The following C6orf132 variants were observed in gnomAD, a reference collection of about 807,000 sequenced individuals.
C6orf132 encodes uncharacterized protein C6orf132.
C6orf132 carries 43 observed loss-of-function variants against 65.3 expected under a neutral mutation model. That is an observed-to-expected ratio of 0.66 (90% CI 0.52 to 0.85). C6orf132 has a LOEUF of 0.85. C6orf132 is among the 40% of genes least tolerant of loss of function. C6orf132 has a pLI of 0.00. For missense variants in C6orf132, 1,488 were observed against 1,548.8 expected (o/e 0.96, Z 0.66); for synonymous variants, 631 against 654.1 (o/e 0.96, Z 0.54).
chr6:42,113,267 G>A (rs1766518752), intron 2 of C6orf132, among the ~76,000 whole-genome samples: 1 of 152,204 alleles, frequency 6.6e-6, no homozygotes, highest in Non-Finnish European at 1.5e-5. Context: ...AAGCGGAAAG[G>A]CTGGGGACTT....
Position 42,105,625 on chromosome 6 carries a change from C to T in C6orf132, c.2287G>A (p.Gly763Arg). 2 of 1,537,112 alleles carry T rather than the reference C, an allele frequency of 1.3e-6. No homozygotes were observed. The highest frequency in any genetic ancestry group is 1.7e-6 in the Non-Finnish European group (2 of 1,146,912). ...GGCTTGTAGAGACATGGCACCTCTCCTCCACCAGGAGATGTCTTTGGTGGG... is the reference window on the plus strand; with the variant it reads ...GGCTTGTAGAGACATGGCACCTCTCTTCCACCAGGAGATGTCTTTGGTGGG... The part of the protein sequence containing the change: ...AFPPKTSPGG[G>R]EVPCLYKPHC... Residue 763 changes from glycine (G) to arginine (R), a missense_variant, in exon 4 of 5, where the codon GGA (glycine) becomes AGA (arginine). Transcript: ENST00000341865.
Position 42,105,050 on chromosome 6 carries a change from G to A in C6orf132, c.2862C>T (p.Leu954=). Reference sequence around the variant, plus strand: ...ACTTGGGCAGCGGGTGGCCCTGGGGGAGGTTGGAGGGAGCTACTCTTTCCC... The same window carrying A: ...ACTTGGGCAGCGGGTGGCCCTGGGGAAGGTTGGAGGGAGCTACTCTTTCCC... ...VAWERVAPSN[L]PQGHPLPKSF... is the part of the protein sequence containing the mutation. Residue 954 remains leucine (L), a synonymous_variant, in exon 4 of 5, where the codon CTC becomes CTT. Transcript: ENST00000341865. 1 of 1,536,750 alleles carries A rather than the reference G, an allele frequency of 6.5e-7. No homozygotes were observed. Among genetic ancestry groups the A allele is most frequent in the Non-Finnish European group, 8.7e-7 (1 of 1,146,800 alleles).
At chr6:42,115,055 C>T (rs1465026462) in intron 2 of C6orf132, among the ~76,000 whole-genome samples, 4 of 140,354 alleles carry the variant, frequency 2.8e-5, no homozygotes, top group Admixed American at 7.3e-5. Context: ...AATCCCAGAA[C>T]TTTGGGAGGC....
chr6:42,130,451 C>T (rs1766833759), intron 1 of C6orf132, among the ~76,000 whole-genome samples: 2 of 152,172 alleles, frequency 1.3e-5, no homozygotes, highest in Non-Finnish European at 2.9e-5. Flanking sequence ...GGGGCATTTT[C>T]TAGAGAGTGC....
At chr6:42,139,612 T>C (rs1163206154) in intron 1 of C6orf132, among the ~76,000 whole-genome samples, 2 of 152,248 alleles carry the variant, frequency 1.3e-5, no homozygotes, top group Non-Finnish European at 2.9e-5. Context: ...ATCCTTGCTT[T>C]AGAGCAAGCT....
At chr6:42,134,685 A>T (rs1321544781) in intron 1 of C6orf132, among the ~76,000 whole-genome samples, 1 of 150,964 alleles carries the variant, frequency 6.6e-6, no homozygotes, top group Non-Finnish European at 1.5e-5. Flanking sequence ...GAGGCAGGAG[A>T]ATTGCTTGAA....
intron 3 of C6orf132, among the ~76,000 whole-genome samples, chr6:42,109,770 G>A (rs187665435): frequency 2.6e-5 from 4 of 152,250 alleles, no homozygotes; most frequent in South Asian, 2.1e-4. Flanking sequence ...TGAGAGGTGT[G>A]ACAGACATGA....
At chr6:42,120,492 C>T (rs1343160475) in intron 2 of C6orf132, among the ~76,000 whole-genome samples, 15 of 152,070 alleles carry the variant, frequency 9.9e-5, no homozygotes, top group South Asian at 4.2e-4. Context: ...ATGATCCGCC[C>T]GCCTAGGCCT....
At chr6:42,120,798 T>C (rs1231289699) in intron 2 of C6orf132, among the ~76,000 whole-genome samples, 3 of 152,014 alleles carry the variant, frequency 2.0e-5, no homozygotes, top group East Asian at 1.9e-4. Context: ...ATTTTTTGTA[T>C]GTTTAGTAGA....
intron 3 of C6orf132, among the ~76,000 whole-genome samples, chr6:42,108,878 G>C (rs1182592579): frequency 2.6e-5 from 4 of 152,124 alleles, no homozygotes; most frequent in Non-Finnish European, 5.9e-5. Flanking sequence ...CCAGCTGCCT[G>C]ACTTCAAACT....
intron 2 of C6orf132, among the ~76,000 whole-genome samples, chr6:42,128,327 G>A (rs551120175): frequency 6.6e-6 from 1 of 152,242 alleles, no homozygotes; most frequent in Admixed American, 6.5e-5. Flanking sequence ...AGTCATCTCT[G>A]TATCCAGCAC....
In C6orf132 at chr6:42,105,913, G is replaced by C; in HGVS notation, c.1999C>G (p.Leu667Val). 6.5e-7 allele frequency: 1 copy of C among 1,537,012 alleles called. No individual in the cohort carries two copies. The highest frequency in any genetic ancestry group is 8.7e-7 in the Non-Finnish European group (1 of 1,146,862). The change falls in exon 4 of 5, where the codon CTT becomes GTT. Residue 667 changes from leucine to valine, a missense_variant. Coordinates refer to ENST00000341865, the MANE Select transcript of C6orf132 (RefSeq NM_001164446.3). ...LWPATPPKAT[L>V]GPATPLKATS... ...GCCTTGAGTGGTGTGGCTGGCCCAA[G>C]TGTGGCCTTGGGTGGTGTGGCTGGC... is the stretch of plus-strand genomic sequence containing the variant.
chr6:42,122,345 C>A (rs55700689), intron 2 of C6orf132, among the ~76,000 whole-genome samples: 1 of 152,232 alleles, frequency 6.6e-6, no homozygotes, highest in African/African-American at 2.4e-5. Context: ...GCCTAAATGG[C>A]CCTGAGCCCA....
chr6:42,107,370 GGGGGTTCCAGCAGCAGGGGAGGT>G lies in C6orf132; in HGVS notation c.519_541del (p.Pro174ThrfsTer32). On this transcript the variant is annotated frameshift_variant, in exon 4 of 5. Coordinates refer to ENST00000341865, the MANE Select transcript of C6orf132 (RefSeq NM_001164446.3). LOFTEE classifies it high-confidence loss of function. ...AGGTGGGGCCATGCTGGGCGGGGGTGGGGGTTCCAGCAGCAGGGGAGGTGGTGGGGGTGCTGTGGAAGGTGGAG... is the reference window on the plus strand; with the variant it reads ...AGGTGGGGCCATGCTGGGCGGGGGTGGGTGGGGGTGCTGTGGAAGGTGGAG... 2.3e-6 allele frequency: 2 copies of G among 865,618 alleles called. No homozygotes were observed. Among genetic ancestry groups the G allele is most frequent in the Non-Finnish European group, 1.7e-6 (1 of 572,512 alleles). The allele number at this position is 865,618 out of a possible 1,614,324, so 53.6% of individuals were successfully genotyped here.
chr6:42,115,949 T>G (rs184739399), intron 2 of C6orf132, among the ~76,000 whole-genome samples: 4,946 of 146,214 alleles, frequency 0.034, 194 homozygotes, highest in African/African-American at 0.12. Flanking sequence ...TTTTTTTTTT[T>G]GAGATGGTCT....
intron 1 of C6orf132, among the ~76,000 whole-genome samples, chr6:42,137,162 C>T (rs1188554799): frequency 1.3e-5 from 2 of 152,180 alleles, no homozygotes; most frequent in African/African-American, 4.8e-5. Flanking sequence ...ATTGAGAAGA[C>T]ATTCAAAGCT....
Position 42,125,581 on chromosome 6 carries a change from C to T in C6orf132, c.252+3091G>A, listed in dbSNP as rs142229020. 2.7e-4 allele frequency among the ~76,000 whole-genome samples: 41 copies of T among 152,344 alleles called. No homozygotes were observed. In the East Asian group the frequency reaches 7.9e-3, roughly 29 times the overall value. ...TGCCTCTGTAAAATGAGGCCCCTTTCAGCCGTCGGTTCACCATGTGTCCAT... is the reference window on the plus strand; with the variant it reads ...TGCCTCTGTAAAATGAGGCCCCTTTTAGCCGTCGGTTCACCATGTGTCCAT... On this transcript the variant is annotated intron_variant, in intron 2 of 4. Transcript: ENST00000341865.
chr6:42,123,508 A>G (rs1436537033), intron 2 of C6orf132, among the ~76,000 whole-genome samples: 3 of 151,012 alleles, frequency 2.0e-5, no homozygotes, highest in Non-Finnish European at 4.4e-5. Flanking sequence ...AAGAAAGAAG[A>G]AGGAGGAGAG....
chr6:42,123,575 G>A (rs951393587), intron 2 of C6orf132, among the ~76,000 whole-genome samples: 4 of 150,160 alleles, frequency 2.7e-5, no homozygotes, highest in African/African-American at 9.9e-5. Context: ...AGAAGAAGAA[G>A]AAAGAAGAAA....
Sources: gnomAD v4.1 joint callset for allele counts (sites outside exome capture counted in the v4.1 genomes callset) on GRCh38, gnomAD v4.1.1 for gene constraint, MANE v1.5 for transcripts, NCBI Gene and HGNC (gene_info 2026-07-23, HGNC 2026-07-21) for gene names.